LAMA2: variants seen among roughly 807,000 people sequenced by gnomAD.
LAMA2 encodes laminin subunit alpha-2.
A neutral mutation model predicts 364.8 loss-of-function variants in LAMA2; 269 were observed. The observed-to-expected ratio is 0.74, with a 90% CI of 0.67 to 0.82. The LOEUF (loss-of-function observed/expected upper bound fraction) is 0.82. LAMA2 is among the 40% of genes least tolerant of loss of function. LAMA2 has a pLI of 0.00. For synonymous variants in LAMA2, 1,379 were observed against 1,370.6 expected (o/e 1.01, Z -0.14); for missense variants, 3,807 against 3,873.2 (o/e 0.98, Z 0.45).
Position 129,138,683 on chromosome 6 carries a change from T to A in LAMA2, c.640-5218T>A, listed in dbSNP as rs894828767. ...TTCCATTGATTTGAATAAGATTCTT[T>A]AAATTACAGTGAAAGCTTTCTGATA... is the stretch of plus-strand genomic sequence containing the variant. On this transcript the variant is annotated intron_variant, in intron 4 of 64. Coordinates refer to ENST00000421865, the MANE Select transcript of LAMA2 (RefSeq NM_000426.4). 5.9e-5 allele frequency among the ~76,000 whole-genome samples: 9 copies of A among 152,266 alleles called. No individual in the cohort carries two copies. In the East Asian group the frequency reaches 1.7e-3, roughly 29 times the overall value.
At chr6:128,936,118 C>T (rs111263362) in intron 1 of LAMA2, among the ~76,000 whole-genome samples, 47 of 152,350 alleles carry the variant, frequency 3.1e-4, no homozygotes, top group African/African-American at 8.7e-4. Context: ...CCTTCTGCCA[C>T]GGTTGTAAGC....
At position 129,177,589 on chromosome 6, in the gene LAMA2, A is replaced by T. The variant is rs138932220; in HGVS notation, c.1307-117A>T. 696 of 1,017,298 alleles carry T rather than the reference A, an allele frequency of 6.8e-4. 7 individuals are homozygous for T. The African/African-American group carries it at 0.01, about 15-fold the overall frequency. The allele number at this position is 1,017,298 out of a possible 1,614,324, so 63.0% of individuals were successfully genotyped here. On this transcript the variant is annotated intron_variant, in intron 9 of 64. Coordinates refer to ENST00000421865, the MANE Select transcript of LAMA2 (RefSeq NM_000426.4). ...TTTTAACTTTTCTTTATTGATATAT[A>T]TAAAAAATCTATTTTTGTGTCAAAA...
chr6:129,481,921 G>A (rs1784368078), intron 55 of LAMA2, among the ~76,000 whole-genome samples: 2 of 152,148 alleles, frequency 1.3e-5, no homozygotes, highest in Admixed American at 1.3e-4. Flanking sequence ...AAGAAGGGCA[G>A]AAAATGGATC....
intron 1 of LAMA2, among the ~76,000 whole-genome samples, chr6:128,951,118 T>G (rs1293044020): frequency 2.0e-5 from 3 of 152,176 alleles, no homozygotes; most frequent in Admixed American, 2.0e-4. Context: ...GAGATTTCTA[T>G]GATGGTCATT....
intron 12 of LAMA2, among the ~76,000 whole-genome samples, chr6:129,236,980 A>G (rs957544175): frequency 4.6e-5 from 7 of 152,222 alleles, no homozygotes; most frequent in Non-Finnish European, 7.3e-5. Flanking sequence ...GAGGTTAAAC[A>G]TTGACTCTAG....
chr6:129,400,267 C>T (rs1204606670), intron 37 of LAMA2, among the ~76,000 whole-genome samples: 3 of 152,130 alleles, frequency 2.0e-5, no homozygotes, highest in Admixed American at 6.5e-5. Flanking sequence ...ATCCTATCAC[C>T]TTGAGGATTA....
intron 12 of LAMA2, among the ~76,000 whole-genome samples, chr6:129,211,294 G>T (rs1045068380): frequency 1.3e-5 from 2 of 152,112 alleles, no homozygotes; most frequent in Non-Finnish European, 2.9e-5. Flanking sequence ...TCAGAGCAAA[G>T]CAACTAGAAT....
At chr6:129,124,789 A>C (rs1478730926) in intron 4 of LAMA2, among the ~76,000 whole-genome samples, 1 of 152,240 alleles carries the variant, frequency 6.6e-6, no homozygotes. Context: ...TGCAACCACC[A>C]CCACAATCCA....
chr6:129,507,928 T>G (rs939684821), intron 62 of LAMA2, among the ~76,000 whole-genome samples: 2 of 152,230 alleles, frequency 1.3e-5, no homozygotes, highest in Non-Finnish European at 2.9e-5. Flanking sequence ...GCAAGAACAC[T>G]CATATGTTTA....
intron 1 of LAMA2, among the ~76,000 whole-genome samples, chr6:128,908,631 T>G (rs1314211071): frequency 1.5e-5 from 2 of 134,378 alleles, no homozygotes; most frequent in Non-Finnish European, 3.2e-5. Context: ...GTGTCTCTAT[T>G]TCCTTCAGTT....
chr6:129,440,723 G>A (rs1259100400), intron 42 of LAMA2, 93 bp from the exon 43 acceptor site: 2 of 1,135,006 alleles, frequency 1.8e-6, no homozygotes, highest in Non-Finnish European at 2.7e-6. Context: ...TGTGTCCGAG[G>A]TCAGCCAGCC....
intron 34 of LAMA2, among the ~76,000 whole-genome samples, chr6:129,381,844 A>G (rs909372376): frequency 6.6e-6 from 1 of 152,190 alleles, no homozygotes; most frequent in African/African-American, 2.4e-5. Flanking sequence ...TCATCCTTTC[A>G]TTTGTGATGT....
At chr6:129,507,320 T>C (rs1786170487) in intron 61 of LAMA2, among the ~76,000 whole-genome samples, 169 bp from the exon 62 acceptor site, 1 of 152,198 alleles carries the variant, frequency 6.6e-6, no homozygotes, top group Non-Finnish European at 1.5e-5. Flanking sequence ...TCTGCATCCA[T>C]GCCAGGAGGC....
chr6:129,349,345 C>A lies in LAMA2; in HGVS notation c.4484C>A (p.Thr1495Lys), dbSNP rs147987573. The change falls in exon 31 of 65, where the codon ACG (threonine) becomes AAG (lysine). Residue 1495 changes from threonine (T) to lysine (K), a missense_variant. Physicochemically the swap from Thr to Lys is moderately conservative, Grantham distance 78. Transcript: ENST00000421865. ...GAAGGACTTGACGACTACCGCTGCA[C>A]GGCTTGTCCACGGGGATATGAAGGC... ...VAEGLDDYRC[T>K]ACPRGYEGQY... 3 of 1,613,588 alleles carry A rather than the reference C, an allele frequency of 1.9e-6. No individual in the cohort carries two copies. In the East Asian group the frequency reaches 6.7e-5, roughly 36 times the overall value.
chr6:129,200,447 T>TGTATATGTGTACACATATACATATAC (rs1782201745), intron 12 of LAMA2, among the ~76,000 whole-genome samples: 1 of 146,532 alleles, frequency 6.8e-6, no homozygotes, highest in African/African-American at 2.6e-5. Flanking sequence ...TATACATATA[T>TGTATATGTGTACACATATACATATAC]GTATATATAT....
Position 129,502,725 on chromosome 6 carries a change from AAC to A in LAMA2, c.8313_8314del (p.Asn2771LysfsTer8). 1 of 1,614,074 alleles carries A rather than the reference AAC, an allele frequency of 6.2e-7. No homozygotes were observed. The highest frequency in any genetic ancestry group is 1.1e-5 in the South Asian group (1 of 91,086). ...IGSKQFGLSR[N>X]SHIAIAFDDT... ...GAGCAAGCAGTTCGGGCTTTCAAGA[AAC>A]AGTCACATTGCAATTGCATTTGATG... On this transcript the variant is annotated frameshift_variant, in exon 59 of 65. Transcript: ENST00000421865. LOFTEE classifies it high-confidence loss of function.
chr6:129,478,817 G>GGTCT lies in LAMA2; in HGVS notation c.7572+7_7572+10dup. 11 of 1,612,688 alleles carry GGTCT rather than the reference G, an allele frequency of 6.8e-6. No individual in the cohort carries two copies. Among genetic ancestry groups the GGTCT allele is most frequent in the Non-Finnish European group, 9.3e-6 (11 of 1,178,830 alleles). Reference sequence around the variant, plus strand: ...TACCAAAGGATGTTCCCTGGAGGTTGGTCTGTTTTTGATAGTTCTCTAAAC... The same window carrying GGTCT: ...TACCAAAGGATGTTCCCTGGAGGTTGGTCTGTCTGTTTTTGATAGTTCTCTAAAC... On this transcript the variant is annotated splice_donor_region_variant and intron_variant, in intron 54 of 64. Transcript: ENST00000421865.
At position 129,260,807 on chromosome 6, in the gene LAMA2, T is replaced by C. The variant is rs1271492556; in HGVS notation, c.2193T>C (p.Thr731=). 3 of 1,599,326 alleles carry C rather than the reference T, an allele frequency of 1.9e-6. No homozygotes were observed. Among genetic ancestry groups the C allele is most frequent in the East Asian group, 4.5e-5 (2 of 44,812 alleles). ...TGTGTCAGTGCCCACCAGGGTATAC[T>C]GGCTCCTCTTGTGAAGTAAGCTTGC... is the stretch of plus-strand genomic sequence containing the variant. The part of the protein sequence containing the change: ...VEVCQCPPGY[T]GSSCESCWPR... Residue 731 remains threonine, a synonymous_variant, in exon 15 of 65, where the codon ACT becomes ACC. Transcript: ENST00000421865.
chr6:128,951,277 T>G (rs757378227), intron 1 of LAMA2, among the ~76,000 whole-genome samples: 3 of 152,150 alleles, frequency 2.0e-5, no homozygotes, highest in Non-Finnish European at 4.4e-5. Context: ...TTTGTAAGAT[T>G]TTTCAAGAGG....
Sources: gnomAD v4.1 joint callset for allele counts (sites outside exome capture counted in the v4.1 genomes callset) on GRCh38, gnomAD v4.1.1 for gene constraint, MANE v1.5 for transcripts, NCBI Gene and HGNC (gene_info 2026-07-23, HGNC 2026-07-21) for gene names.